The following RBFOX1 variants were observed in gnomAD, a reference collection of about 807,000 sequenced individuals.
The protein encoded by RBFOX1 is RNA binding protein fox-1 homolog 1.
RBFOX1 carries 8 observed loss-of-function variants against 57.7 expected under a neutral mutation model. That is an observed-to-expected ratio of 0.14 (90% CI 0.08 to 0.25). RBFOX1 has a LOEUF of 0.25. Ranked by LOEUF, RBFOX1 falls within the 10% of genes least tolerant of loss-of-function variation. The pLI is 1.00. For synonymous variants in RBFOX1, 326 were observed against 222.4 expected (o/e 1.47, Z -4.15); for missense variants, 611 against 548.5 (o/e 1.11, Z -1.14).
At chr16:6,209,494 C>T (rs995922194) in intron 1 of RBFOX1, among the ~76,000 whole-genome samples, 5 of 152,186 alleles carry the variant, frequency 3.3e-5, no homozygotes, top group East Asian at 3.8e-4. Context: ...GTAACCTCTC[C>T]GGTATCAGGG....
intron 3 of RBFOX1, among the ~76,000 whole-genome samples, chr16:5,791,188 GC>G (rs1238620816): frequency 6.6e-6 from 1 of 151,920 alleles, no homozygotes; most frequent in African/African-American, 2.4e-5. Context: ...AATTTGTCAC[GC>G]ATGACTCAGC....
rs182017501 is a variant in RBFOX1 at position 6,908,365 on chromosome 16, C to A, written c.-15-143692C>A. On this transcript the variant is annotated intron_variant, in intron 3 of 15. Transcript: ENST00000550418. ...TTACTCTGCCTTTGCACCCTTCTAACCCCGATGTGTGTCTGTCTGCCTGCC... is the reference window on the plus strand; with the variant it reads ...TTACTCTGCCTTTGCACCCTTCTAAACCCGATGTGTGTCTGTCTGCCTGCC... Among the ~76,000 whole-genome samples the A allele has an allele frequency of 5.1e-4, 75 of 146,562 alleles. 2 individuals are homozygous for A. In the South Asian group the frequency reaches 7.6e-3, roughly 15 times the overall value.
intron 4 of RBFOX1, among the ~76,000 whole-genome samples, chr16:5,979,201 T>C (rs1324974658): frequency 6.6e-6 from 1 of 152,214 alleles, no homozygotes; most frequent in Non-Finnish European, 1.5e-5. Flanking sequence ...GCTCACCTGG[T>C]TCTTGCAGTA....
At chr16:7,312,785 G>C (rs777460858) in intron 4 of RBFOX1, among the ~76,000 whole-genome samples, 2 of 152,182 alleles carry the variant, frequency 1.3e-5, no homozygotes, top group African/African-American at 4.8e-5. Flanking sequence ...CATTCAGAAC[G>C]TCATTATTCT....
At chr16:5,638,424 C>T (rs146606130) in intron 3 of RBFOX1, among the ~76,000 whole-genome samples, 1 of 152,122 alleles carries the variant, frequency 6.6e-6, no homozygotes, top group Admixed American at 6.5e-5. Context: ...TGGGGAGTAA[C>T]CATGATGATT....
At chr16:6,808,721 A>G (rs892629959) in intron 3 of RBFOX1, among the ~76,000 whole-genome samples, 1 of 152,148 alleles carries the variant, frequency 6.6e-6, no homozygotes, top group Admixed American at 6.6e-5. Context: ...CCCCCAGGTA[A>G]TACTGTTCTT....
chr16:7,284,569 A>G (rs377332861), intron 4 of RBFOX1, among the ~76,000 whole-genome samples: 3 of 152,160 alleles, frequency 2.0e-5, no homozygotes, highest in African/African-American at 4.8e-5. Context: ...GGCCTCAAGC[A>G]GTCCTCCCAC....
At chr16:5,843,945 C>A (rs2056689182) in intron 3 of RBFOX1, among the ~76,000 whole-genome samples, 1 of 152,184 alleles carries the variant, frequency 6.6e-6, no homozygotes, top group African/African-American at 2.4e-5. Flanking sequence ...TCAGAAAAGT[C>A]AGAAGAGTTT....
At chr16:6,970,234 C>T (rs2085233881) in intron 3 of RBFOX1, among the ~76,000 whole-genome samples, 2 of 151,592 alleles carry the variant, frequency 1.3e-5, no homozygotes, top group African/African-American at 4.8e-5. Context: ...CCATGAAAAA[C>T]CAAAAAAAAA....
chr16:6,827,730 C>T (rs11859302), intron 3 of RBFOX1, among the ~76,000 whole-genome samples: 7 of 152,090 alleles, frequency 4.6e-5, no homozygotes, highest in Non-Finnish European at 8.8e-5. Context: ...CCATGCTGAT[C>T]CCCTACATGG....
At chr16:5,591,252 CT>C (rs35415642) in intron 2 of RBFOX1, among the ~76,000 whole-genome samples, 2,727 of 141,462 alleles carry the variant, frequency 0.019, 28 homozygotes, top group East Asian at 0.077. Flanking sequence ...CAAAATGAAC[CT>C]TTTTTTTTTT....
intron 4 of RBFOX1, among the ~76,000 whole-genome samples, chr16:7,148,396 C>A (rs1392918937): frequency 6.6e-6 from 1 of 152,148 alleles, no homozygotes; most frequent in Non-Finnish European, 1.5e-5. Flanking sequence ...CCAACACTCC[C>A]CTCTTTTGAA....
chr16:6,626,262 G>A (rs976782869), intron 2 of RBFOX1, among the ~76,000 whole-genome samples: 10 of 151,598 alleles, frequency 6.6e-5, no homozygotes, highest in African/African-American at 2.2e-4. Context: ...TTGCCCGGGT[G>A]TCCTTTAAGT....
At chr16:7,282,876 C>G (rs1261847750) in intron 4 of RBFOX1, among the ~76,000 whole-genome samples, 2 of 152,184 alleles carry the variant, frequency 1.3e-5, no homozygotes, top group Non-Finnish European at 1.5e-5. Context: ...ATAATAGTCT[C>G]CAATCGCATC....
chr16:5,842,517 G>A (rs1455394341), intron 3 of RBFOX1, among the ~76,000 whole-genome samples: 1 of 152,168 alleles, frequency 6.6e-6, no homozygotes, highest in Non-Finnish European at 1.5e-5. Context: ...CTAAGTGCAT[G>A]CTGCAGGTGT....
At chr16:6,165,263 A>T (rs1250475075) in intron 1 of RBFOX1, among the ~76,000 whole-genome samples, 1 of 152,208 alleles carries the variant, frequency 6.6e-6, no homozygotes, top group African/African-American at 2.4e-5. Flanking sequence ...TTAATAAATG[A>T]CAGCTCATTA....
intron 3 of RBFOX1, among the ~76,000 whole-genome samples, chr16:6,934,544 A>G (rs916470868): frequency 6.6e-6 from 1 of 152,286 alleles, no homozygotes; most frequent in East Asian, 1.9e-4. Flanking sequence ...CTATTTGGAC[A>G]TAAAAAGAAG....
chr16:7,366,008 A>C (rs1596538467), intron 4 of RBFOX1, among the ~76,000 whole-genome samples: 1 of 152,202 alleles, frequency 6.6e-6, no homozygotes, highest in East Asian at 1.9e-4. Context: ...CAGAACAGAA[A>C]GACTCTGTGT....
At chr16:6,879,675 A>C (rs924412324) in intron 3 of RBFOX1, among the ~76,000 whole-genome samples, 1 of 152,220 alleles carries the variant, frequency 6.6e-6, no homozygotes, top group Admixed American at 6.5e-5. Flanking sequence ...TCAGTTAACT[A>C]TGTTGTACGT....
Sources: allele counts gnomAD v4.1 joint callset (sites outside exome capture counted in the v4.1 genomes callset), GRCh38; gene constraint gnomAD v4.1.1; transcripts MANE v1.5; gene names NCBI Gene and HGNC (gene_info 2026-07-23, HGNC 2026-07-21).